Variants in SSPN observed in about 807,000 individuals in gnomAD.
The protein encoded by SSPN is K-ras oncogene-associated protein.
A neutral mutation model predicts 19.1 loss-of-function variants in SSPN; 15 were observed. The observed-to-expected ratio is 0.78, with a 90% CI of 0.52 to 1.21. The LOEUF is 1.21. Ranked by LOEUF, SSPN falls within the 50% of genes most tolerant of loss-of-function variation. The pLI is 0.00. For synonymous variants in SSPN, 147 were observed against 140.3 expected (o/e 1.05, Z -0.34); for missense variants, 291 against 314.0 (o/e 0.93, Z 0.55).
intron 1 of SSPN, among the ~76,000 whole-genome samples, chr12:26,198,327 C>G (rs1186210585): frequency 6.6e-6 from 1 of 152,242 alleles, no homozygotes; most frequent in Non-Finnish European, 1.5e-5. Context: ...CCACACCTAA[C>G]TTGTGTGCCA....
At position 26,178,501 on chromosome 12, in the gene SSPN, T is replaced by C. The variant is rs1465536616; in HGVS notation, c.-30-45792T>C. 9.2e-5 allele frequency among the ~76,000 whole-genome samples: 14 copies of C among 151,866 alleles called. 1 individual carries two copies. Among genetic ancestry groups the C allele is most frequent in the Admixed American group, 9.2e-4 (14 of 15,236 alleles). ...ACTGGTTGTATAATAGCTGCCTGGA[T>C]AGAGGGTGAAATTCAGCTAAAGTAG... On this transcript the variant is annotated intron_variant, in intron 1 of 2. Transcript: ENST00000538142.
intron 1 of SSPN, among the ~76,000 whole-genome samples, chr12:26,138,878 CTT>C (rs1445692564): frequency 2.6e-5 from 4 of 152,014 alleles, no homozygotes; most frequent in African/African-American, 4.8e-5. Flanking sequence ...AATGACATAA[CTT>C]ATCAATATTT....
chr12:26,176,323 G>C (rs2137437061), intron 1 of SSPN, among the ~76,000 whole-genome samples: 1 of 152,268 alleles, frequency 6.6e-6, no homozygotes, highest in East Asian at 1.9e-4. Flanking sequence ...GATTGCCATA[G>C]AATATTTGAT....
At position 26,201,009 on chromosome 12, in the gene SSPN, GTGTATATATATA is replaced by G. The variant is rs1565685315; in HGVS notation, c.279+5060_279+5071del. On this transcript the variant is annotated intron_variant, in intron 1 of 2. Transcript: ENST00000242729. The stretch of plus-strand genomic sequence containing the variant: ...TTATTCTGGCAAAAGAAGTTAATTT[GTGTATATATATA>G]TATATATATATATATATATATATAT... Among the ~76,000 whole-genome samples, 13 of 47,368 alleles carry G rather than the reference GTGTATATATATA, an allele frequency of 2.7e-4. 1 individual carries two copies. Among genetic ancestry groups the G allele is most frequent in the East Asian group, 2.1e-3 (3 of 1,400 alleles). 31.1% of individuals were successfully genotyped at this position (47,368 alleles called of 152,430 possible).
chr12:26,181,971 C>T (rs1478179706), intron 1 of SSPN, among the ~76,000 whole-genome samples: 1 of 152,166 alleles, frequency 6.6e-6, no homozygotes, highest in African/African-American at 2.4e-5. Context: ...TGCTTTTAAA[C>T]TCTGTGTGAC....
At chr12:26,176,715 A>T (rs1366816515) in intron 1 of SSPN, among the ~76,000 whole-genome samples, 1 of 152,192 alleles carries the variant, frequency 6.6e-6, no homozygotes, top group Non-Finnish European at 1.5e-5. Context: ...GTCCTCTAAC[A>T]TGGGAACATC....
At chr12:26,212,418 GA>G (rs1944998399) in intron 1 of SSPN, among the ~76,000 whole-genome samples, 1 of 152,112 alleles carries the variant, frequency 6.6e-6, no homozygotes, top group Non-Finnish European at 1.5e-5. Flanking sequence ...ACTTTTCCCT[GA>G]GAAATTTTGA....
chr12:26,161,390 C>T lies in SSPN; in HGVS notation c.-31+39238C>T, dbSNP rs188217496. On this transcript the variant is annotated intron_variant, in intron 1 of 2. Transcript: ENST00000538142. ...AGCTCTCTGCCTGGAGCAGTCTTCC[C>T]AATGGCATCCTCTGGGTTCACTCCA... 4.6e-5 allele frequency among the ~76,000 whole-genome samples: 7 copies of T among 152,224 alleles called. No homozygotes were observed. The East Asian group carries it at 1.4e-3, about 29-fold the overall frequency.
At chr12:26,190,870 A>G (rs1304351596), upstream of SSPN, among the ~76,000 whole-genome samples, 1 of 152,228 alleles carries the variant, frequency 6.6e-6, no homozygotes, top group Non-Finnish European at 1.5e-5. Flanking sequence ...AAGATACAGA[A>G]GACTTACTTC....
chr12:26,122,650 T>TGCCGCCGCC (rs772978905), intron 1 of SSPN: 2 of 1,346,514 alleles, frequency 1.5e-6, no homozygotes, highest in Admixed American at 2.5e-5. Context: ...CCGCCGCCGC[T>TGCCGCCGCC]GCCGCCGCCG....
chr12:26,145,840 C>G (rs1004806341), intron 1 of SSPN, among the ~76,000 whole-genome samples: 5 of 152,168 alleles, frequency 3.3e-5, no homozygotes, highest in Admixed American at 6.6e-5. Flanking sequence ...CATAACAAGA[C>G]TCCTCATGCC....
chr12:26,123,848 A>T, intron 1 of SSPN: 1 of 841,274 alleles, frequency 1.2e-6, no homozygotes, highest in East Asian at 2.4e-5. Flanking sequence ...CTTTGAAAGA[A>T]GTACTGTTCT....
chr12:26,135,851 C>T (rs568327979), intron 1 of SSPN, among the ~76,000 whole-genome samples: 1 of 152,252 alleles, frequency 6.6e-6, no homozygotes, highest in South Asian at 2.1e-4. Context: ...AATTCTGAGT[C>T]AATTTTGTCA....
intron 1 of SSPN, chr12:26,180,823 G>A (rs1355557912): frequency 6.6e-6 from 1 of 152,176 alleles, no homozygotes; most frequent in Non-Finnish European, 1.5e-5. Context: ...CCAAGCTAAA[G>A]CATCTATCAA....
intron 2 of SSPN, among the ~76,000 whole-genome samples, chr12:26,230,031 C>G (rs1945214002): frequency 6.6e-6 from 1 of 152,004 alleles, no homozygotes; most frequent in South Asian, 2.1e-4. Context: ...ACTGAGGAAC[C>G]ATTTAGAGTT....
intron 1 of SSPN, among the ~76,000 whole-genome samples, chr12:26,145,915 C>G (rs1288382723): frequency 6.6e-6 from 1 of 152,172 alleles, no homozygotes; most frequent in Non-Finnish European, 1.5e-5. Flanking sequence ...ACTTTGTGGA[C>G]CCATGTACAC....
chr12:26,176,624 G>A (rs754349907), intron 1 of SSPN, among the ~76,000 whole-genome samples: 2 of 152,126 alleles, frequency 1.3e-5, no homozygotes, highest in Non-Finnish European at 2.9e-5. Flanking sequence ...CTCTTCTCAA[G>A]TGCTTGCACC....
chr12:26,165,184 A>C (rs1466452342), intron 1 of SSPN, among the ~76,000 whole-genome samples: 18 of 152,196 alleles, frequency 1.2e-4, no homozygotes, highest in Admixed American at 1.2e-3. Context: ...TAAAATTAAG[A>C]AATAATTTAG....
At chr12:26,198,226 C>T (rs1485887674) in intron 1 of SSPN, among the ~76,000 whole-genome samples, 7 of 152,000 alleles carry the variant, frequency 4.6e-5, no homozygotes, top group Non-Finnish European at 7.4e-5. Flanking sequence ...TGCAGTGGCA[C>T]GATTTTGGTT....
Sources: allele counts gnomAD v4.1 joint callset (sites outside exome capture counted in the v4.1 genomes callset), GRCh38; gene constraint gnomAD v4.1.1; transcripts MANE v1.5; gene names NCBI Gene and HGNC (gene_info 2026-07-23, HGNC 2026-07-21).